Variants in HAVCR1 observed in about 807,000 individuals in gnomAD.
HAVCR1 encodes the protein hepatitis A virus cellular receptor 1.
In HAVCR1, 34 loss-of-function variants were observed where a neutral mutation model predicts 32.0. The observed-to-expected ratio is 1.06, with a 90% CI of 0.81 to 1.42. HAVCR1 has a LOEUF of 1.42. Ranked by LOEUF, HAVCR1 falls within the 40% of genes most tolerant of loss-of-function variation. HAVCR1 has a pLI of 0.00. For missense variants in HAVCR1, 420 were observed against 442.3 expected (o/e 0.95, Z 0.45); for synonymous variants, 178 against 170.3 (o/e 1.05, Z -0.35).
chr5:157,051,015 G>C (rs983132244), intron 4 of HAVCR1, among the ~76,000 whole-genome samples: 1 of 152,132 alleles, frequency 6.6e-6, no homozygotes, highest in Non-Finnish European at 1.5e-5. Context: ...GGATTTCTGA[G>C]GGCTTTGAGA....
chr5:157,033,698 CA>C (rs1311909549), intron 7 of HAVCR1, among the ~76,000 whole-genome samples: 1 of 152,122 alleles, frequency 6.6e-6, no homozygotes. Context: ...TGGGCCCATT[CA>C]TCTCCCCTAA....
At chr5:157,057,121 C>T (rs1156876670) in intron 2 of HAVCR1, among the ~76,000 whole-genome samples, 1 of 151,872 alleles carries the variant, frequency 6.6e-6, no homozygotes, top group Non-Finnish European at 1.5e-5. Context: ...TCAAGATCAG[C>T]TTGGCCAAGA....
At chr5:157,051,329 T>C (rs959938238) in intron 4 of HAVCR1, among the ~76,000 whole-genome samples, 1 of 152,194 alleles carries the variant, frequency 6.6e-6, no homozygotes. Context: ...AGTAAAAATG[T>C]GTAAGTCATT....
At position 157,049,082 on chromosome 5, in the gene HAVCR1, A is replaced by C. The variant is rs1430350368; in HGVS notation, c.737T>G (p.Ile246Arg). The part of the protein sequence containing the change: ...ETHPTTLQGA[I>R]RREPTSSPLY... The stretch of plus-strand genomic sequence containing the variant: ...TGGTGAGCTGGTGGGTTCTCTCCTT[A>C]TTGCTCCCTGCAGTGTCGTAGGGTG... The change falls in exon 5 of 9, where the codon ATA (isoleucine) becomes AGA (arginine). Residue 246 changes from isoleucine (I) to arginine (R), a missense_variant. Coordinates refer to ENST00000523175, the MANE Select transcript of HAVCR1 (RefSeq NM_001173393.3). 18 of 1,612,658 alleles carry C rather than the reference A, an allele frequency of 1.1e-5. No individual in the cohort carries two copies. Among genetic ancestry groups the C allele is most frequent in the Non-Finnish European group, 1.2e-5 (14 of 1,178,916 alleles).
intron 6 of HAVCR1, among the ~76,000 whole-genome samples, chr5:157,041,222 G>C (rs1429577102): frequency 1.3e-5 from 2 of 152,124 alleles, no homozygotes; most frequent in Non-Finnish European, 2.9e-5. Context: ...CCTGGGCCGG[G>C]TACGGTGGCT....
At chr5:157,044,705 G>A (rs912878794) in intron 5 of HAVCR1, among the ~76,000 whole-genome samples, 9 of 151,252 alleles carry the variant, frequency 6.0e-5, no homozygotes, top group Admixed American at 6.6e-5. Context: ...AGGAAGGAAG[G>A]AGAAAAGAAA....
chr5:157,054,686 C>A (rs1756006735), intron 3 of HAVCR1, among the ~76,000 whole-genome samples: 1 of 152,106 alleles, frequency 6.6e-6, no homozygotes, highest in Admixed American at 6.6e-5. Flanking sequence ...ATAACCAAGA[C>A]TTTGGATGGA....
intron 6 of HAVCR1, among the ~76,000 whole-genome samples, chr5:157,039,774 C>T (rs190958941): frequency 2.6e-5 from 4 of 152,276 alleles, no homozygotes; most frequent in Non-Finnish European, 1.5e-5. Flanking sequence ...CCTTCTCATA[C>T]ATTTTTATTT....
intron 7 of HAVCR1, among the ~76,000 whole-genome samples, chr5:157,036,339 C>T (rs577380161): frequency 1.4e-4 from 21 of 152,188 alleles, no homozygotes; most frequent in African/African-American, 5.1e-4. Context: ...ATTAGCCGGG[C>T]GTGGTGGCGG....
chr5:157,036,784 G>A (rs998183439), intron 7 of HAVCR1, among the ~76,000 whole-genome samples: 3 of 152,028 alleles, frequency 2.0e-5, no homozygotes, highest in African/African-American at 7.2e-5. Context: ...CAATCCTCCT[G>A]CCTCAGCCTC....
At chr5:157,054,201 A>C (rs947571126) in intron 3 of HAVCR1, among the ~76,000 whole-genome samples, 2 of 150,872 alleles carry the variant, frequency 1.3e-5, no homozygotes, top group South Asian at 2.1e-4. Flanking sequence ...AAAAAAAAAA[A>C]AAAAAAAAAA....
intron 3 of HAVCR1, 122 bp from the exon 4 acceptor site, chr5:157,052,776 C>T: frequency 1.2e-6 from 1 of 829,326 alleles, no homozygotes; most frequent in Non-Finnish European, 2.0e-6. Context: ...ACTTCCTGAA[C>T]TGTCAATCTT....
At position 157,052,379 on chromosome 5, in the gene HAVCR1, T is replaced by C; in HGVS notation, c.655A>G (p.Arg219Gly). 5.6e-6 allele frequency: 9 copies of C among 1,614,156 alleles called. No individual in the cohort carries two copies. The highest frequency in any genetic ancestry group is 7.6e-6 in the Non-Finnish European group (9 of 1,179,980). The change falls in exon 4 of 9, where the codon AGG (arginine) becomes GGG (glycine). Residue 219 changes from arginine to glycine, a missense_variant. Arg to Gly is a moderately radical substitution (Grantham distance 125). Transcript: ENST00000523175. Reference protein sequence around the residue: ...STFVPPMPLPRQNHEPVATSP... With the variant: ...STFVPPMPLPGQNHEPVATSP... Reference sequence around the variant, plus strand: ...GTTTTACCTGGTTCATGGTTCTGCCTGGGCAAAGGCATTGGAGGAACAAAG... The same window carrying C: ...GTTTTACCTGGTTCATGGTTCTGCCCGGGCAAAGGCATTGGAGGAACAAAG...
intron 5 of HAVCR1, among the ~76,000 whole-genome samples, chr5:157,047,658 T>G (rs1219964751): frequency 6.6e-6 from 1 of 152,174 alleles, no homozygotes; most frequent in Non-Finnish European, 1.5e-5. Context: ...ATGGAACCCT[T>G]TCCCATATAC....
At chr5:157,063,153 GAA>G (rs1369911681), upstream of HAVCR1, among the ~76,000 whole-genome samples, 1 of 133,406 alleles carries the variant, frequency 7.5e-6, no homozygotes, top group Non-Finnish European at 1.6e-5. Flanking sequence ...AAGAAAGAAA[GAA>G]AATATATAAA....
At chr5:157,044,468 A>AAAGG (rs201451883) in intron 5 of HAVCR1, among the ~76,000 whole-genome samples, 77 of 62,974 alleles carry the variant, frequency 1.2e-3, no homozygotes, top group Non-Finnish European at 1.5e-3. Context: ...AGAAAGAAAG[A>AAAGG]AAGGAAGGAA....
At chr5:157,060,773 C>T (rs17573340), upstream of HAVCR1, among the ~76,000 whole-genome samples, 1 of 152,064 alleles carries the variant, frequency 6.6e-6, no homozygotes. Flanking sequence ...TCCATAGGAT[C>T]GATTCTGTCT....
intron 3 of HAVCR1, among the ~76,000 whole-genome samples, chr5:157,054,190 C>CAA (rs900551230): frequency 0.042 from 1,687 of 40,530 alleles, 50 homozygotes; most frequent in African/African-American, 0.059. Flanking sequence ...GACTCCATCT[C>CAA]AAAAAAAAAA....
intron 8 of HAVCR1, among the ~76,000 whole-genome samples, chr5:157,030,354 C>T (rs1004743266): frequency 6.6e-6 from 1 of 152,206 alleles, no homozygotes; most frequent in Non-Finnish European, 1.5e-5. Context: ...CACAAGTATA[C>T]ACTGGATCAT....
Sources: allele counts gnomAD v4.1 joint callset (sites outside exome capture counted in the v4.1 genomes callset), GRCh38; gene constraint gnomAD v4.1.1; transcripts MANE v1.5; gene names NCBI Gene and HGNC (gene_info 2026-07-23, HGNC 2026-07-21).